Variants in ZNF226 observed in about 807,000 individuals in gnomAD.
The protein encoded by ZNF226 is Kruppel-associated box protein.
In ZNF226, 6 loss-of-function variants were observed where a neutral mutation model predicts 11.4. The observed-to-expected ratio is 0.53, with a 90% confidence interval of 0.29 to 1.04. The LOEUF (loss-of-function observed/expected upper bound fraction) is 1.04, where lower values mean the gene tolerates loss of function less well. ZNF226 is among the 50% of genes least tolerant of loss of function. The pLI, the probability that ZNF226 is intolerant of heterozygous loss-of-function variation, is 0.08. For synonymous variants in ZNF226, 350 were observed against 322.8 expected, an observed-to-expected ratio of 1.08 and a Z score of -0.90; for missense variants, 1,058 against 956.5, an observed-to-expected ratio of 1.11 and a Z score of -1.40.
chr19:44,188,407 G>C, the ZNF226 span, among the ~76,000 whole-genome samples: 1 of 152,116 alleles, frequency 6.6e-6, no homozygotes, highest in Non-Finnish European at 1.5e-5. Flanking sequence ...ATGAACCGTT[G>C]CATTTGTACT....
rs762192521 is a variant in ZNF226, at chr19:44,175,685, AATT to A, written c.424_426del (p.Ile142del). On this transcript the variant is annotated inframe_deletion, in exon 6 of 6. Transcript: ENST00000337433. ...AGGTAGGGACAGAACTGTCTATTCA[AATT>A]TCTGAAGATGAGAACTATATAGTAA... 2.9e-5 allele frequency: 46 copies of A among 1,612,772 alleles called. No individual in the cohort carries two copies. Among genetic ancestry groups the A allele is most frequent in the Non-Finnish European group, 3.9e-5 (46 of 1,179,558 alleles).
the ZNF226 span, among the ~76,000 whole-genome samples, chr19:44,188,300 C>G: frequency 6.6e-6 from 1 of 152,276 alleles, no homozygotes; most frequent in East Asian, 1.9e-4. Context: ...TTTGGGCACT[C>G]TAATGTTAGG....
At chr19:44,166,161 C>T (rs1235624648) in intron 2 of ZNF226, among the ~76,000 whole-genome samples, 1 of 152,126 alleles carries the variant, frequency 6.6e-6, no homozygotes, top group Non-Finnish European at 1.5e-5. Flanking sequence ...TAGGTTGGGA[C>T]TTCACTGTGG....
chr19:44,177,271 C>T lies in ZNF226; in HGVS notation c.2009C>T (p.Pro670Leu). The T allele has an allele frequency of 6.2e-7, 1 of 1,614,094 alleles. No homozygotes were observed. The highest frequency in any genetic ancestry group is 1.7e-5 in the Admixed American group (1 of 60,014). The part of the protein sequence containing the change: ...AHQKVHTGDK[P>L]YKCDECGKGF... ...CAAAAAGTCCACACTGGAGATAAGC[C>T]ATACAAATGTGATGAGTGTGGGAAG... The change falls in exon 6 of 6, where the codon CCA (proline) becomes CTA (leucine). Residue 670 changes from proline (P) to leucine (L), a missense_variant. Pro to Leu is a moderately conservative substitution (Grantham distance 98, BLOSUM62 -3). Transcript: ENST00000337433.
In ZNF226 at chr19:44,176,084, A is replaced by G; in HGVS notation, c.822A>G (p.Gln274=). 6.2e-7 allele frequency: 1 copy of G among 1,614,166 alleles called. No individual in the cohort carries two copies. Among genetic ancestry groups the G allele is most frequent in the South Asian group, 1.1e-5 (1 of 91,084 alleles). ...LSSFDLHQQL[Q]SGEKSLTCVE... ...GCTTTGATCTTCATCAGCAGTTACA[A>G]TCAGGAGAGAAGTCTCTTACATGTG... Residue 274 remains glutamine (Q), a synonymous_variant, in exon 6 of 6, where the codon CAA becomes CAG. Transcript: ENST00000337433.
At position 44,172,908 on chromosome 19, in the gene ZNF226, A is replaced by G. The variant is rs200875397; in HGVS notation, c.191A>G (p.Gln64Arg). 1.1e-4 allele frequency: 169 copies of G among 1,606,374 alleles called. 1 individual carries two copies. The highest frequency in any genetic ancestry group is 5.6e-5 in the South Asian group (5 of 88,976). Residue 64 changes from glutamine (Q) to arginine (R), a missense_variant, in exon 5 of 6, where the codon CAG (glutamine) becomes CGG (arginine). Gln to Arg is a conservative substitution (Grantham distance 43). Transcript: ENST00000337433. ...GTATCACCTATAGAAAGAAATGAGC[A>G]GCTTTGGATAATGACGACAGCAACC... ...QDVSPIERNE[Q>R]LWIMTTATRR...
At chr19:44,195,142 G>A in the ZNF226 span, among the ~76,000 whole-genome samples, 6 of 152,176 alleles carry the variant, frequency 3.9e-5, no homozygotes, top group Non-Finnish European at 8.8e-5. Context: ...ACCAGAAGAG[G>A]CTTTCCAGAA....
chr19:44,175,333 C>G, intron 5 of ZNF226, 165 bp from the exon 6 acceptor site: 6 of 1,412,288 alleles, frequency 4.2e-6, no homozygotes, highest in African/African-American at 1.4e-5. Flanking sequence ...TTTGGACCAT[C>G]TCTTGGTTTC....
chr19:44,172,053 G>C, intron 3 of ZNF226, 35 bp from the exon 4 acceptor site: 2 of 1,601,174 alleles, frequency 1.2e-6, no homozygotes, highest in Non-Finnish European at 1.7e-6. Context: ...AGTGGACATT[G>C]GTTGTAAGAT....
At chr19:44,180,200 G>T (rs1970887425), downstream of ZNF226, among the ~76,000 whole-genome samples, 1 of 151,440 alleles carries the variant, frequency 6.6e-6, no homozygotes, top group Non-Finnish European at 1.5e-5. Flanking sequence ...CTGAGGAAAA[G>T]ATGTGCGTAG....
At chr19:44,169,902 A>G in intron 2 of ZNF226, 133 bp from the exon 3 acceptor site, 1 of 515,408 alleles carries the variant, frequency 1.9e-6, no homozygotes, top group Non-Finnish European at 3.4e-6. Context: ...GATCCATGTC[A>G]TAATCTGCTT....
At chr19:44,197,300 A>G in the ZNF226 span, among the ~76,000 whole-genome samples, 1 of 152,178 alleles carries the variant, frequency 6.6e-6, no homozygotes, top group Non-Finnish European at 1.5e-5. Flanking sequence ...ACTGTGAAAC[A>G]TTTTCCAAAG....
In ZNF226 at chr19:44,170,101, T is replaced by G; in HGVS notation, c.15+6T>G. ...TAAAAATGAATATGTTCAAGGTGAGTAGAGCTTGCCTTTCCCAGCTGTTAA... is the reference window on the plus strand; with the variant it reads ...TAAAAATGAATATGTTCAAGGTGAGGAGAGCTTGCCTTTCCCAGCTGTTAA... On this transcript the variant is annotated splice_donor_region_variant and intron_variant, in intron 3 of 5. Coordinates refer to ENST00000337433, the MANE Select transcript of ZNF226 (RefSeq NM_001032373.2). The G allele has an allele frequency of 5.6e-6, 9 of 1,612,232 alleles. No homozygotes were observed. Among genetic ancestry groups the G allele is most frequent in the Non-Finnish European group, 7.6e-6 (9 of 1,178,976 alleles).
chr19:44,196,477 C>T, the ZNF226 span, among the ~76,000 whole-genome samples: 1 of 152,146 alleles, frequency 6.6e-6, no homozygotes, highest in African/African-American at 2.4e-5. Context: ...CAGATAGGCA[C>T]TGTTCTTCAA....
At chr19:44,183,127 G>A (rs1970932168), downstream of ZNF226, among the ~76,000 whole-genome samples, 1 of 152,166 alleles carries the variant, frequency 6.6e-6, no homozygotes, top group South Asian at 2.1e-4. Context: ...TAATGGAGCT[G>A]TGATTAGGTA....
the ZNF226 span, among the ~76,000 whole-genome samples, chr19:44,186,469 G>T: frequency 6.6e-6 from 1 of 151,948 alleles, no homozygotes; most frequent in Non-Finnish European, 1.5e-5. Flanking sequence ...CCTTTTTGAT[G>T]CTATAGTAAA....
chr19:44,192,293 A>AGAGC, the ZNF226 span, among the ~76,000 whole-genome samples: 2 of 152,162 alleles, frequency 1.3e-5, no homozygotes, highest in Admixed American at 1.3e-4. Flanking sequence ...AGCCAGAGAG[A>AGAGC]GAGCGAGCGA....
Position 44,177,186 on chromosome 19 carries a change from C to T in ZNF226, c.1924C>T (p.Pro642Ser). The T allele has an allele frequency of 6.2e-7, 1 of 1,613,824 alleles. No homozygotes were observed. Among genetic ancestry groups the T allele is most frequent in the Non-Finnish European group, 8.5e-7 (1 of 1,179,984 alleles). ...TCAGAGAGTCCACAGTGGAGAAAAA[C>T]CATTCAAATGTGAAGAATGTGGGAA... is the stretch of plus-strand genomic sequence containing the variant. ...AHQRVHSGEK[P>S]FKCEECGKSF... Residue 642 changes from proline (P) to serine (S), a missense_variant, in exon 6 of 6, where the codon CCA becomes TCA. Physicochemically the swap from Pro to Ser is moderately conservative, Grantham distance 74. Coordinates refer to ENST00000337433, the MANE Select transcript of ZNF226 (RefSeq NM_001032373.2).
rs76248674 is a variant in ZNF226 at position 44,173,246 on chromosome 19, C to T, written c.235+294C>T. Reference sequence around the variant, plus strand: ...TTAATGTGGCTGACAGAGTCTTACACGGTGTGCTTTTCATCCCCCACTACC... The same window carrying T: ...TTAATGTGGCTGACAGAGTCTTACATGGTGTGCTTTTCATCCCCCACTACC... On this transcript the variant is annotated intron_variant, in intron 5 of 5. Coordinates refer to ENST00000337433, the MANE Select transcript of ZNF226 (RefSeq NM_001032373.2). The T allele has an allele frequency of 4.5e-3, 2,133 of 470,096 alleles. 9 individuals carry two copies. Among genetic ancestry groups the T allele is most frequent in the Non-Finnish European group, 6.2e-3 (1,675 of 268,444 alleles). 29.1% of individuals were successfully genotyped at this position (470,096 alleles called of 1,614,324 possible). A position where few individuals can be genotyped will look rare whatever the true frequency, so the allele number is the denominator to read the frequency against.
Sources: allele counts gnomAD v4.1 joint callset (sites outside exome capture counted in the v4.1 genomes callset), GRCh38; gene constraint gnomAD v4.1.1; transcripts MANE v1.5; gene names NCBI Gene and HGNC (gene_info 2026-07-23, HGNC 2026-07-21).